Variants in GLT1D1 observed in about 807,000 individuals in gnomAD.
The protein encoded by GLT1D1 is glycosyltransferase 1 domain containing 1.
Under a neutral mutation model 28.7 loss-of-function variants are expected in GLT1D1, and 21 were observed. The ratio of observed to expected loss-of-function variants is 0.73; its 90% CI spans 0.52 to 1.05. The LOEUF (loss-of-function observed/expected upper bound fraction) is 1.05, where lower values mean the gene tolerates loss of function less well. Ranked by LOEUF, GLT1D1 falls within the 50% of genes least tolerant of loss-of-function variation. The pLI is 0.00. For synonymous variants in GLT1D1, 147 were observed against 124.8 expected (o/e 1.18, Z -1.19); for missense variants, 343 against 330.6 (o/e 1.04, Z -0.29).
intron 4 of GLT1D1, chr12:128,944,334 G>T (rs921747053): frequency 6.7e-6 from 5 of 745,448 alleles, no homozygotes; most frequent in Non-Finnish European, 1.2e-5. Flanking sequence ...CATATCCACA[G>T]GGCCAAATCT....
chr12:128,970,161 G>A (rs1256200142), intron 7 of GLT1D1, among the ~76,000 whole-genome samples: 5 of 152,306 alleles, frequency 3.3e-5, no homozygotes, highest in Non-Finnish European at 7.4e-5. Context: ...GGTAGAAGCC[G>A]GGCCAGGGTC....
At chr12:128,873,915 C>G (rs1593062888) in intron 1 of GLT1D1, among the ~76,000 whole-genome samples, 1 of 110,034 alleles carries the variant, frequency 9.1e-6, no homozygotes, top group East Asian at 2.9e-4. Flanking sequence ...TTCTTTCTCT[C>G]TTTCTTTTTC....
At chr12:128,980,398 G>A (rs1033729423) in intron 7 of GLT1D1, among the ~76,000 whole-genome samples, 13 of 152,252 alleles carry the variant, frequency 8.5e-5, no homozygotes, top group African/African-American at 3.1e-4. Flanking sequence ...CCTGGCAAGA[G>A]TGTCAGTTAT....
In GLT1D1 at chr12:128,921,694, G is replaced by A. The variant is rs1269840155; in HGVS notation, c.375+22407G>A. Among the ~76,000 whole-genome samples the A allele has an allele frequency of 2.6e-5, 4 of 152,114 alleles. 1 individual carries two copies. The highest frequency in any genetic ancestry group is 1.9e-4 in the East Asian group (1 of 5,172). Reference sequence around the variant, plus strand: ...GGAGGGCCACTTTTTTACAGCCTGTGTGACCAAAATGCCAATGCGTCTTCA... The same window carrying A: ...GGAGGGCCACTTTTTTACAGCCTGTATGACCAAAATGCCAATGCGTCTTCA... On this transcript the variant is annotated intron_variant, in intron 4 of 7. Transcript: ENST00000281703.
At chr12:128,894,788 T>G (rs1444764156) in intron 3 of GLT1D1, among the ~76,000 whole-genome samples, 1 of 151,908 alleles carries the variant, frequency 6.6e-6, no homozygotes, top group African/African-American at 2.4e-5. Flanking sequence ...AGGCGGAGGT[T>G]ACAGTGAGCT....
At chr12:128,911,154 T>G (rs1032120776) in intron 4 of GLT1D1, among the ~76,000 whole-genome samples, 6 of 152,228 alleles carry the variant, frequency 3.9e-5, no homozygotes, top group Admixed American at 2.6e-4. Context: ...GGTTTTGACC[T>G]CCTGACCTCA....
At chr12:128,963,300 G>A (rs1034995275) in intron 7 of GLT1D1, among the ~76,000 whole-genome samples, 5 of 152,142 alleles carry the variant, frequency 3.3e-5, no homozygotes, top group African/African-American at 1.2e-4. Context: ...GTGGAGTGGG[G>A]TTGATTCCAG....
chr12:128,950,207 G>C (rs994853537), intron 6 of GLT1D1, among the ~76,000 whole-genome samples: 4 of 152,180 alleles, frequency 2.6e-5, no homozygotes, highest in African/African-American at 9.7e-5. Context: ...GGGAGGTGGG[G>C]TGCCGGTTCA....
chr12:128,950,456 A>G (rs1358246206), intron 6 of GLT1D1, among the ~76,000 whole-genome samples: 1 of 152,218 alleles, frequency 6.6e-6, no homozygotes, highest in African/African-American at 2.4e-5. Context: ...CATGACAAGC[A>G]ATGCTTGTTT....
chr12:128,964,881 A>C (rs1385982765), intron 7 of GLT1D1, among the ~76,000 whole-genome samples: 1 of 152,212 alleles, frequency 6.6e-6, no homozygotes, highest in Non-Finnish European at 1.5e-5. Context: ...AGAGGGAATC[A>C]CCTGGGCAAA....
chr12:128,948,686 TC>T (rs1486172183), intron 6 of GLT1D1, among the ~76,000 whole-genome samples: 1 of 151,442 alleles, frequency 6.6e-6, no homozygotes, highest in Non-Finnish European at 1.5e-5. Context: ...TATCCATGTA[TC>T]CCCTTGGATA....
intron 1 of GLT1D1, among the ~76,000 whole-genome samples, chr12:128,862,974 C>A (rs2135763881): frequency 6.6e-6 from 1 of 152,148 alleles, no homozygotes; most frequent in East Asian, 1.9e-4. Flanking sequence ...CGACCTAGTT[C>A]CAGAGGGCGT....
At chr12:128,958,828 A>AAATTT (rs1877584977) in intron 7 of GLT1D1, among the ~76,000 whole-genome samples, 1 of 84,788 alleles carries the variant, frequency 1.2e-5, no homozygotes, top group Non-Finnish European at 2.2e-5. Flanking sequence ...GTAAATAAAA[A>AAATTT]TCTTTTTTTT....
chr12:128,890,258 T>G (rs1172532096), intron 3 of GLT1D1, among the ~76,000 whole-genome samples: 1 of 152,204 alleles, frequency 6.6e-6, no homozygotes, highest in Non-Finnish European at 1.5e-5. Context: ...TCTGCGCAGC[T>G]CATCAGAACA....
chr12:128,957,622 G>T lies in GLT1D1; in HGVS notation c.618G>T (p.Gly206=). ...CCGTGGTGAAGCATGAAGTCACAGG[G>T]CTACTGTTTTCCAATCCTCAGGTAA... The change falls in exon 7 of 8, where the codon GGG becomes GGT. Residue 206 remains glycine, a synonymous_variant. Coordinates refer to ENST00000281703, the MANE Select transcript of GLT1D1 (RefSeq NM_144669.3). The T allele has an allele frequency of 6.2e-7, 1 of 1,612,772 alleles. No homozygotes were observed. Among genetic ancestry groups the T allele is most frequent in the Non-Finnish European group, 8.5e-7 (1 of 1,178,832 alleles).
intron 4 of GLT1D1, among the ~76,000 whole-genome samples, chr12:128,933,242 G>C (rs1178487636): frequency 6.6e-6 from 1 of 152,274 alleles, no homozygotes; most frequent in Non-Finnish European, 1.5e-5. Context: ...CGACGTCACT[G>C]AACACAGGGT....
rs886470098 is a variant in GLT1D1 at position 128,944,970 on chromosome 12, C to T, written c.376-356C>T. On this transcript the variant is annotated intron_variant, in intron 4 of 7. Coordinates refer to ENST00000281703, the MANE Select transcript of GLT1D1 (RefSeq NM_144669.3). ...CCAGCCCCCGACCCCCAACAGGCCC[C>T]GGTGTGTGATGTTCCCCTCCCTGTG... is the stretch of plus-strand genomic sequence containing the variant. 9.0e-5 allele frequency: 50 copies of T among 557,698 alleles called. 1 individual carries two copies. The highest frequency in any genetic ancestry group is 3.6e-4 in the South Asian group (16 of 44,882). 34.5% of individuals were successfully genotyped at this position (557,698 alleles called of 1,614,324 possible).
intron 1 of GLT1D1, among the ~76,000 whole-genome samples, chr12:128,854,468 G>C (rs1419577130): frequency 1.3e-5 from 2 of 150,450 alleles, no homozygotes; most frequent in Non-Finnish European, 2.9e-5. Context: ...GAAATTTCCC[G>C]ATTTACTTCC....
At chr12:128,950,089 G>A (rs1402263841) in intron 6 of GLT1D1, among the ~76,000 whole-genome samples, 1 of 152,154 alleles carries the variant, frequency 6.6e-6, no homozygotes, top group African/African-American at 2.4e-5. Context: ...AAGTGTGTGT[G>A]TGGATACGGC....
Sources: allele counts gnomAD v4.1 joint callset (sites outside exome capture counted in the v4.1 genomes callset), GRCh38; gene constraint gnomAD v4.1.1; transcripts MANE v1.5; gene names NCBI Gene and HGNC (gene_info 2026-07-23, HGNC 2026-07-21).